The following ATRNL1 variants were observed in gnomAD, a reference collection of about 807,000 sequenced individuals.
The protein encoded by ATRNL1 is attractin-like protein 1.
ATRNL1 carries 95 observed loss-of-function variants against 182.7 expected under a neutral mutation model. That is an observed-to-expected ratio of 0.52 (90% CI 0.44 to 0.62). The LOEUF is 0.62. Ranked by LOEUF, ATRNL1 falls within the 20% of genes least tolerant of loss-of-function variation. The pLI is 0.00. For synonymous variants in ATRNL1, 576 were observed against 568.3 expected, an observed-to-expected ratio of 1.01 and a Z score of -0.19; for missense variants, 1,471 against 1,679.5, an observed-to-expected ratio of 0.88 and a Z score of 2.17.
chr10:115,389,772 C>G (rs1466720891), intron 19 of ATRNL1, among the ~76,000 whole-genome samples: 1 of 151,374 alleles, frequency 6.6e-6, no homozygotes, highest in Non-Finnish European at 1.5e-5. Flanking sequence ...AGATGACACT[C>G]CAAACTCTTT....
At chr10:115,419,703 C>G (rs561556118) in intron 20 of ATRNL1, among the ~76,000 whole-genome samples, 1 of 152,226 alleles carries the variant, frequency 6.6e-6, no homozygotes, top group African/African-American at 2.4e-5. Context: ...TAGCAGGGGT[C>G]AATGCAGCAA....
chr10:115,277,140 C>A (rs1440911409), intron 13 of ATRNL1, among the ~76,000 whole-genome samples: 1 of 146,710 alleles, frequency 6.8e-6, no homozygotes, highest in South Asian at 2.2e-4. Context: ...TATTTATATA[C>A]TATATGAAAA....
rs541655476 is a variant in ATRNL1 at position 115,362,520 on chromosome 10, T to G, written c.3175+28101T>G. Among the ~76,000 whole-genome samples the G allele has an allele frequency of 7.4e-5, 8 of 107,520 alleles. No homozygotes were observed. The East Asian group carries it at 1.0e-3, about 14-fold the overall frequency. 70.5% of individuals were successfully genotyped at this position (107,520 alleles called of 152,430 possible). A position where few individuals can be genotyped will look rare whatever the true frequency, so the allele number is the denominator to read the frequency against. ...CGGTTTACAAGTATGCAGTACATTG[T>G]TTTTTTTTTTTTATTATACTTTAAG... On this transcript the variant is annotated intron_variant, in intron 19 of 28. Transcript: ENST00000355044.
At chr10:115,152,721 G>A (rs1178627635) in intron 5 of ATRNL1, among the ~76,000 whole-genome samples, 2 of 152,100 alleles carry the variant, frequency 1.3e-5, no homozygotes, top group Admixed American at 6.6e-5. Flanking sequence ...TCTCCTGCCT[G>A]ATTGCCCTGG....
intron 27 of ATRNL1, among the ~76,000 whole-genome samples, chr10:115,759,010 T>A (rs924296450): frequency 2.0e-5 from 3 of 152,244 alleles, no homozygotes; most frequent in Non-Finnish European, 4.4e-5. Flanking sequence ...ATTACAATTT[T>A]AAAATACTTC....
chr10:115,545,732 G>T (rs1852617384), intron 25 of ATRNL1, among the ~76,000 whole-genome samples: 1 of 152,158 alleles, frequency 6.6e-6, no homozygotes, highest in African/African-American at 2.4e-5. Context: ...TATTTAAGTT[G>T]TATCTACTGA....
At chr10:115,449,598 G>T in intron 21 of ATRNL1, among the ~76,000 whole-genome samples, 1 of 152,176 alleles carries the variant, frequency 6.6e-6, no homozygotes, top group East Asian at 1.9e-4. Context: ...TTCAGGGGTT[G>T]TGGGTACCCC....
chr10:115,506,514 A>G (rs1850120092), intron 24 of ATRNL1, among the ~76,000 whole-genome samples: 1 of 152,112 alleles, frequency 6.6e-6, no homozygotes, highest in Admixed American at 6.6e-5. Context: ...CCAGCCTAGA[A>G]GCTGGAAAAA....
intron 8 of ATRNL1, among the ~76,000 whole-genome samples, chr10:115,204,287 C>G (rs1554893257): frequency 6.6e-6 from 1 of 151,726 alleles, no homozygotes; most frequent in Admixed American, 6.6e-5. Flanking sequence ...TCATTTTTTT[C>G]TTTTGCCTAA....
intron 28 of ATRNL1, among the ~76,000 whole-genome samples, chr10:115,908,380 CTGCCTGCAT>C (rs1952566524): frequency 6.6e-6 from 1 of 152,174 alleles, no homozygotes; most frequent in East Asian, 1.9e-4. Flanking sequence ...CTTTTCGAGG[CTGCCTGCAT>C]TCCTTAGTTC....
intron 19 of ATRNL1, among the ~76,000 whole-genome samples, chr10:115,355,611 T>C (rs1856468162): frequency 6.6e-6 from 1 of 152,112 alleles, no homozygotes; most frequent in Admixed American, 6.6e-5. Flanking sequence ...ATAAGAAAAA[T>C]ATGTCTTCAA....
At chr10:115,796,059 T>C (rs1949646970) in intron 27 of ATRNL1, among the ~76,000 whole-genome samples, 1 of 151,892 alleles carries the variant, frequency 6.6e-6, no homozygotes, top group East Asian at 2.0e-4. Flanking sequence ...TGCAGAGTTG[T>C]CCCCTGAATG....
chr10:115,647,872 G>T (rs1358347150), intron 26 of ATRNL1, among the ~76,000 whole-genome samples: 5 of 152,020 alleles, frequency 3.3e-5, no homozygotes, highest in African/African-American at 4.8e-5. Flanking sequence ...TCCTTGCCCA[G>T]GCCTATGTCC....
intron 26 of ATRNL1, among the ~76,000 whole-genome samples, chr10:115,570,352 C>T (rs1319643004): frequency 6.6e-6 from 1 of 152,230 alleles, no homozygotes. Flanking sequence ...CACCTCCCAA[C>T]ACCATCACCC....
chr10:115,441,775 A>G (rs1846693276), intron 21 of ATRNL1, among the ~76,000 whole-genome samples: 1 of 151,990 alleles, frequency 6.6e-6, no homozygotes, highest in African/African-American at 2.4e-5. Flanking sequence ...GTAAATGTAC[A>G]TAATGCCTAT....
intron 13 of ATRNL1, among the ~76,000 whole-genome samples, chr10:115,278,667 C>T (rs1852211323): frequency 6.6e-6 from 1 of 152,084 alleles, no homozygotes; most frequent in African/African-American, 2.4e-5. Context: ...CTATATCAGG[C>T]CAAATTTAAT....
intron 10 of ATRNL1, among the ~76,000 whole-genome samples, chr10:115,249,614 C>G (rs1249168705): frequency 6.6e-6 from 1 of 152,020 alleles, no homozygotes; most frequent in African/African-American, 2.4e-5. Flanking sequence ...GTATATGGTT[C>G]ATAATTAATA....
chr10:115,900,562 C>T (rs1156409832), intron 28 of ATRNL1, among the ~76,000 whole-genome samples: 2 of 151,640 alleles, frequency 1.3e-5, no homozygotes, highest in Middle Eastern at 3.4e-3. Context: ...TAAGGCTTTA[C>T]ATGTATTAAT....
At chr10:115,369,080 G>T (rs1285052818) in intron 19 of ATRNL1, among the ~76,000 whole-genome samples, 1 of 151,648 alleles carries the variant, frequency 6.6e-6, no homozygotes, top group Non-Finnish European at 1.5e-5. Context: ...TTTTAACCTG[G>T]CTTATTTTCA....
Sources: gnomAD v4.1 joint callset for allele counts (sites outside exome capture counted in the v4.1 genomes callset) on GRCh38, gnomAD v4.1.1 for gene constraint, MANE v1.5 for transcripts, NCBI Gene and HGNC (gene_info 2026-07-23, HGNC 2026-07-21) for gene names.